The following UNC5C variants were observed in gnomAD, a reference collection of about 807,000 sequenced individuals.
UNC5C encodes unc-5 netrin receptor C.
A neutral mutation model predicts 99.8 loss-of-function variants in UNC5C; 47 were observed. That is an observed-to-expected ratio of 0.47 (90% confidence interval 0.37 to 0.60). The LOEUF (loss-of-function observed/expected upper bound fraction) is 0.60, where lower values mean the gene tolerates loss of function less well. Ranked by LOEUF, UNC5C falls within the 20% of genes least tolerant of loss-of-function variation. The pLI is 0.00. For missense variants in UNC5C, 1,062 were observed against 1,165.9 expected, an observed-to-expected ratio of 0.91 and a Z score of 1.30; for synonymous variants, 487 against 452.2, an observed-to-expected ratio of 1.08 and a Z score of -0.98.
intron 1 of UNC5C, among the ~76,000 whole-genome samples, chr4:95,404,273 A>G (rs1228351548): frequency 6.6e-6 from 1 of 152,208 alleles, no homozygotes; most frequent in African/African-American, 2.4e-5. Flanking sequence ...TATGTCAGAA[A>G]CAAAAGTAGC....
chr4:95,408,181 T>C (rs1032670216), intron 1 of UNC5C, among the ~76,000 whole-genome samples: 1 of 152,210 alleles, frequency 6.6e-6, no homozygotes, highest in African/African-American at 2.4e-5. Flanking sequence ...TTATAAAAAT[T>C]GAATACAAAA....
At chr4:95,387,165 G>T (rs6843161) in intron 1 of UNC5C, among the ~76,000 whole-genome samples, 113,026 of 151,962 alleles carry the variant, frequency 0.74, 42,903 homozygotes, top group East Asian at 0.94. Context: ...TTGAGACAAG[G>T]TCTCACTCTC....
intron 2 of UNC5C, among the ~76,000 whole-genome samples, chr4:95,331,119 T>C (rs1743093968): frequency 6.6e-6 from 1 of 152,136 alleles, no homozygotes; most frequent in African/African-American, 2.4e-5. Context: ...GGCTTCCAGT[T>C]CCATCCATGT....
intron 1 of UNC5C, among the ~76,000 whole-genome samples, chr4:95,503,449 T>A (rs562574920): frequency 6.6e-6 from 1 of 152,268 alleles, no homozygotes; most frequent in East Asian, 1.9e-4. Context: ...TATTGGACAA[T>A]ACATCTCTTC....
chr4:95,260,067 C>G (rs1176209947), intron 4 of UNC5C, among the ~76,000 whole-genome samples: 2 of 152,118 alleles, frequency 1.3e-5, no homozygotes, highest in African/African-American at 4.8e-5. Context: ...GAAAGTACAC[C>G]TATGTTGGTC....
At chr4:95,279,402 A>G (rs1435256128) in intron 3 of UNC5C, among the ~76,000 whole-genome samples, 2 of 152,224 alleles carry the variant, frequency 1.3e-5, no homozygotes, top group East Asian at 3.8e-4. Flanking sequence ...CAAAAATGTT[A>G]GAAGCCAGTT....
At chr4:95,518,726 T>G (rs1211985280) in intron 1 of UNC5C, among the ~76,000 whole-genome samples, 1 of 152,242 alleles carries the variant, frequency 6.6e-6, no homozygotes, top group Non-Finnish European at 1.5e-5. Flanking sequence ...CAAGATCTAC[T>G]TTGTGTGAGG....
At chr4:95,424,518 C>CTTTTCTTTTT (rs1200746093) in intron 1 of UNC5C, among the ~76,000 whole-genome samples, 1 of 67,952 alleles carries the variant, frequency 1.5e-5, no homozygotes, top group African/African-American at 5.9e-5. Flanking sequence ...TTTTTCTTTT[C>CTTTTCTTTTT]TTTTTTTTTT....
chr4:95,203,383 C>T (rs1475439410), intron 11 of UNC5C, among the ~76,000 whole-genome samples: 1 of 152,136 alleles, frequency 6.6e-6, no homozygotes, highest in Non-Finnish European at 1.5e-5. Context: ...AAAGCAAGAC[C>T]TGACAAATTC....
intron 4 of UNC5C, among the ~76,000 whole-genome samples, chr4:95,267,534 T>C (rs1740493058): frequency 6.6e-6 from 1 of 152,214 alleles, no homozygotes; most frequent in African/African-American, 2.4e-5. Context: ...CATAGCTGAA[T>C]ATCATTAAGC....
chr4:95,405,411 T>C (rs931112580), intron 1 of UNC5C, among the ~76,000 whole-genome samples: 4 of 152,144 alleles, frequency 2.6e-5, no homozygotes, highest in African/African-American at 9.7e-5. Flanking sequence ...AGCTCTTCCT[T>C]TTCACTATAA....
intron 4 of UNC5C, among the ~76,000 whole-genome samples, chr4:95,254,361 G>A (rs977060219): frequency 2.6e-5 from 4 of 152,022 alleles, no homozygotes; most frequent in Non-Finnish European, 2.9e-5. Flanking sequence ...TTTCAACTCC[G>A]CTTCACAATA....
intron 3 of UNC5C, among the ~76,000 whole-genome samples, chr4:95,284,892 T>C (rs1034107475): frequency 6.6e-6 from 1 of 152,170 alleles, no homozygotes; most frequent in Non-Finnish European, 1.5e-5. Context: ...CAACTTTGCC[T>C]GTCACTGTCT....
intron 1 of UNC5C, among the ~76,000 whole-genome samples, chr4:95,452,641 G>A (rs1008278465): frequency 1.3e-5 from 2 of 152,092 alleles, no homozygotes; most frequent in Non-Finnish European, 2.9e-5. Flanking sequence ...AAATCAAATA[G>A]GTAGCACTAT....
In UNC5C at chr4:95,335,545, C is replaced by T. The variant is rs1743301946; in HGVS notation, c.211G>A (p.Ala71Thr). The T allele has an allele frequency of 6.2e-7, 1 of 1,612,192 alleles. No homozygotes were observed. The highest frequency in any genetic ancestry group is 1.3e-5 in the African/African-American group (1 of 74,822). ...LPHFLIEPEE[A>T]YIVKNKPVNL... ...ACGGGCTTATTCTTCACAATATAAG[C>T]TTCTTCAGGCTCAATAAGGAAATGT... The change falls in exon 2 of 16, where the codon GCT (alanine) becomes ACT (threonine). Residue 71 changes from alanine to threonine, a missense_variant. Around this residue, in one of 3 missense-constraint regions of UNC5C, gnomAD observed 249 missense variants for 295.1 expected, o/e 0.84. Transcript: ENST00000453304.
chr4:95,255,433 C>G (rs949932049), intron 4 of UNC5C, among the ~76,000 whole-genome samples: 2 of 152,132 alleles, frequency 1.3e-5, no homozygotes, highest in African/African-American at 4.8e-5. Context: ...TCCTAGATAA[C>G]TATTTCACAC....
intron 12 of UNC5C, among the ~76,000 whole-genome samples, chr4:95,193,387 G>A (rs942302680): frequency 3.9e-5 from 6 of 152,150 alleles, no homozygotes; most frequent in African/African-American, 7.2e-5. Flanking sequence ...TGCTGGAGCC[G>A]GCACAGGAGG....
chr4:95,286,294 T>C (rs775619046), intron 3 of UNC5C, among the ~76,000 whole-genome samples: 10 of 152,242 alleles, frequency 6.6e-5, no homozygotes, highest in Non-Finnish European at 1.5e-4. Flanking sequence ...CTGTGCTTGA[T>C]TAAACTGCAG....
intron 2 of UNC5C, among the ~76,000 whole-genome samples, chr4:95,304,564 C>T (rs1272889134): frequency 6.6e-6 from 1 of 151,782 alleles, no homozygotes; most frequent in African/African-American, 2.4e-5. Flanking sequence ...CCATATCTTT[C>T]TCTCTCTCTC....
Sources: allele counts gnomAD v4.1 joint callset (sites outside exome capture counted in the v4.1 genomes callset), GRCh38; gene constraint gnomAD v4.1.1; regional missense constraint gnomAD v4.1.1; transcripts MANE v1.5; gene names NCBI Gene and HGNC (gene_info 2026-07-23, HGNC 2026-07-21).